The following GSTCD variants were observed in gnomAD, a reference collection of about 807,000 sequenced individuals.
GSTCD encodes the protein glutathione S-transferase C-terminal domain containing.
Under a neutral mutation model 68.3 loss-of-function variants are expected in GSTCD, and 44 were observed. That is an observed-to-expected ratio of 0.64 (90% confidence interval 0.51 to 0.83). The LOEUF is 0.83. GSTCD is among the 40% of genes least tolerant of loss of function. The pLI, the probability that GSTCD is intolerant of heterozygous loss-of-function variation, is 0.00. For synonymous variants in GSTCD, 273 were observed against 255.2 expected, an observed-to-expected ratio of 1.07 and a Z score of -0.67; for missense variants, 739 against 735.9, an observed-to-expected ratio of 1.00 and a Z score of -0.05.
chr4:105,796,211 G>A (rs1201344141), intron 5 of GSTCD, among the ~76,000 whole-genome samples: 2 of 152,212 alleles, frequency 1.3e-5, no homozygotes, highest in African/African-American at 4.8e-5. Flanking sequence ...AAGAGAGAGA[G>A]AGCGAGCTTG....
chr4:105,730,256 C>G lies in GSTCD; in HGVS notation c.1240+757C>G, dbSNP rs549048632. Among the ~76,000 whole-genome samples, 9 of 152,170 alleles carry G rather than the reference C, an allele frequency of 5.9e-5. 1 individual carries two copies. In the South Asian group the frequency reaches 1.9e-3, roughly 32 times the overall value. On this transcript the variant is annotated intron_variant, in intron 5 of 11. Coordinates refer to ENST00000515279, the MANE Select transcript of GSTCD (RefSeq NM_001370181.1). ...GATTTATAATCCTTTGGGTATATAC[C>G]CAGTAATGGGATGGCTGGGTCAAAT...
intron 5 of GSTCD, among the ~76,000 whole-genome samples, chr4:105,764,225 T>C (rs769695648): frequency 6.6e-5 from 10 of 152,206 alleles, no homozygotes; most frequent in Non-Finnish European, 1.2e-4. Context: ...GAAAAAATAT[T>C]TATCAGAAAT....
intron 5 of GSTCD, among the ~76,000 whole-genome samples, chr4:105,797,450 C>A (rs1735938667): frequency 6.6e-6 from 1 of 151,986 alleles, no homozygotes; most frequent in South Asian, 2.1e-4. Context: ...TACTGTAGTC[C>A]ATTGTGCAAT....
chr4:105,803,278 A>G (rs1203112623), intron 5 of GSTCD, among the ~76,000 whole-genome samples: 1 of 152,100 alleles, frequency 6.6e-6, no homozygotes, highest in East Asian at 1.9e-4. Flanking sequence ...GCTGGCCTCC[A>G]GTTCTACAGG....
At chr4:105,719,609 T>C in intron 3 of GSTCD, 82 bp downstream of exon 3, 1 of 957,314 alleles carries the variant, frequency 1.0e-6, no homozygotes, top group Non-Finnish European at 1.6e-6. Context: ...GTTTTACTTT[T>C]TATTGTCAAT....
chr4:105,822,837 A>C, intron 5 of GSTCD, 117 bp from the exon 6 acceptor site: 2 of 650,236 alleles, frequency 3.1e-6, no homozygotes, highest in Non-Finnish European at 2.8e-6. Flanking sequence ...GTATGTATGT[A>C]TGTGTGTATG....
At chr4:105,795,581 T>C (rs1735853145) in intron 5 of GSTCD, among the ~76,000 whole-genome samples, 1 of 152,024 alleles carries the variant, frequency 6.6e-6, no homozygotes, top group African/African-American at 2.4e-5. Context: ...TATTCATAAA[T>C]AAAACATCTT....
intron 5 of GSTCD, among the ~76,000 whole-genome samples, chr4:105,777,450 A>C (rs1381430735): frequency 6.6e-6 from 1 of 152,032 alleles, no homozygotes; most frequent in East Asian, 1.9e-4. Flanking sequence ...CCTTTATCAC[A>C]TTTCTATTTA....
intron 1 of GSTCD, among the ~76,000 whole-genome samples, chr4:105,710,554 T>G: frequency 6.6e-6 from 1 of 152,258 alleles, no homozygotes; most frequent in South Asian, 2.1e-4. Flanking sequence ...AAACTTGTTT[T>G]ACTTGTAGCT....
chr4:105,709,302 G>C (rs1319699390), intron 1 of GSTCD: 1 of 152,480 alleles, frequency 6.6e-6, no homozygotes, highest in African/African-American at 2.4e-5. Context: ...GGAGAAATGG[G>C]GCAGCTTCCA....
intron 9 of GSTCD, among the ~76,000 whole-genome samples, chr4:105,835,378 G>A (rs1003511608): frequency 1.3e-5 from 2 of 152,124 alleles, no homozygotes; most frequent in African/African-American, 2.4e-5. Flanking sequence ...CACAGGGTCC[G>A]GCCACTTCAC....
intron 5 of GSTCD, among the ~76,000 whole-genome samples, chr4:105,811,527 G>A (rs1162401205): frequency 3.7e-5 from 4 of 108,252 alleles, no homozygotes; most frequent in Non-Finnish European, 5.2e-5. Context: ...TCTGGGGACT[G>A]TTGTGGGGTG....
intron 2 of GSTCD, among the ~76,000 whole-genome samples, chr4:105,718,381 T>C (rs545185781): frequency 8.4e-4 from 128 of 152,254 alleles, no homozygotes; most frequent in African/African-American, 2.8e-3. Flanking sequence ...GAAAAGCGCC[T>C]GGTACCTCTT....
chr4:105,789,336 C>T (rs1455305587), intron 5 of GSTCD, among the ~76,000 whole-genome samples: 1 of 152,064 alleles, frequency 6.6e-6, no homozygotes, highest in South Asian at 2.1e-4. Context: ...TCCAGCAATC[C>T]TGGGATGGCT....
intron 5 of GSTCD, among the ~76,000 whole-genome samples, chr4:105,817,408 A>G (rs1415894384): frequency 1.9e-4 from 29 of 151,828 alleles, no homozygotes; most frequent in Admixed American, 1.9e-3. Flanking sequence ...TAGTATATAT[A>G]ACAAAATTAT....
intron 5 of GSTCD, among the ~76,000 whole-genome samples, chr4:105,804,096 A>C (rs1560837522): frequency 6.6e-6 from 1 of 152,004 alleles, no homozygotes; most frequent in Non-Finnish European, 1.5e-5. Context: ...GAACCAAAAA[A>C]ACTGGTTCTT....
At position 105,834,564 on chromosome 4, in the gene GSTCD, A is replaced by G; in HGVS notation, c.1634A>G (p.Gln545Arg). The change falls in exon 9 of 12, where the codon CAG becomes CGG. Residue 545 changes from glutamine to arginine, a missense_variant. Physicochemically the swap from Gln to Arg is conservative, Grantham distance 43. Coordinates refer to ENST00000515279, the MANE Select transcript of GSTCD (RefSeq NM_001370181.1). ...VTCPCCYGFI[Q>R]NTSKFNFPKS... is the part of the protein sequence containing the mutation. Reference sequence around the variant, plus strand: ...TGCCCTTGCTGTTATGGTTTCATTCAGAACACCTCAAAGTTCAATTTTCCA... The same window carrying G: ...TGCCCTTGCTGTTATGGTTTCATTCGGAACACCTCAAAGTTCAATTTTCCA... The G allele has an allele frequency of 6.2e-7, 1 of 1,614,080 alleles. No individual in the cohort carries two copies.
At chr4:105,788,913 T>G (rs897716354) in intron 5 of GSTCD, among the ~76,000 whole-genome samples, 2 of 152,084 alleles carry the variant, frequency 1.3e-5, no homozygotes, top group Admixed American at 1.3e-4. Context: ...TGGACAAATG[T>G]GAATTTCGGA....
intron 1 of GSTCD, chr4:105,711,038 A>G (rs1028422410): frequency 6.6e-6 from 1 of 152,166 alleles, no homozygotes; most frequent in Non-Finnish European, 1.5e-5. Flanking sequence ...CTAAATATTT[A>G]AGGTAATTGG....
Sources: allele counts gnomAD v4.1 joint callset (sites outside exome capture counted in the v4.1 genomes callset), GRCh38; gene constraint gnomAD v4.1.1; transcripts MANE v1.5; gene names NCBI Gene and HGNC (gene_info 2026-07-23, HGNC 2026-07-21).